Variants in KDSR observed in about 807,000 individuals in gnomAD.
KDSR encodes the protein 3-ketodihydrosphingosine reductase.
Under a neutral mutation model 41.3 loss-of-function variants are expected in KDSR, and 23 were observed. The ratio of observed to expected loss-of-function variants is 0.56; its 90% CI spans 0.40 to 0.79. The LOEUF (loss-of-function observed/expected upper bound fraction) is 0.79. Ranked by LOEUF, KDSR falls within the 30% of genes least tolerant of loss-of-function variation. The pLI is 0.00. For synonymous variants in KDSR, 138 were observed against 151.7 expected (o/e 0.91, Z 0.66); for missense variants, 351 against 416.8 (o/e 0.84, Z 1.37).
chr18:63,341,406 T>C (rs1419949331), intron 7 of KDSR, among the ~76,000 whole-genome samples: 3 of 150,346 alleles, frequency 2.0e-5, no homozygotes, highest in Admixed American at 2.0e-4. Flanking sequence ...AAATAAAGAT[T>C]TCAACAAAAA....
chr18:63,342,447 T>C (rs1251116855), intron 7 of KDSR, among the ~76,000 whole-genome samples: 2 of 152,008 alleles, frequency 1.3e-5, no homozygotes, highest in Non-Finnish European at 2.9e-5. Context: ...CCAGGAGAAA[T>C]GTCTGAGGAA....
intron 6 of KDSR, chr18:63,346,705 C>T (rs778920203): frequency 2.0e-5 from 3 of 152,222 alleles, no homozygotes; most frequent in African/African-American, 4.8e-5. Context: ...CCAAATGACT[C>T]TCCCAGTCTC....
At chr18:63,341,875 T>C (rs769837469) in intron 7 of KDSR, among the ~76,000 whole-genome samples, 16 of 151,798 alleles carry the variant, frequency 1.1e-4, no homozygotes, top group Non-Finnish European at 2.2e-4. Flanking sequence ...AACAAAACAA[T>C]ACATAAGAAT....
intron 7 of KDSR, among the ~76,000 whole-genome samples, chr18:63,342,319 G>A (rs1409836454): frequency 6.6e-6 from 1 of 152,128 alleles, no homozygotes; most frequent in Non-Finnish European, 1.5e-5. Flanking sequence ...CCAAAAAAGT[G>A]AGAGTCATGG....
rs1174191712 is a variant in KDSR at position 63,330,441 on chromosome 18, G to A, written c.*1341C>T. On this transcript the variant is annotated 3_prime_UTR_variant, in exon 10 of 10. Coordinates refer to ENST00000645214, the MANE Select transcript of KDSR (RefSeq NM_002035.4). ...CTAAAACTCATCAGAGGCACTTGCT[G>A]TCAAAATCCACTAATGAACACAGAT... The A allele has an allele frequency of 8.7e-6, 2 of 230,030 alleles. No homozygotes were observed. Among genetic ancestry groups the A allele is most frequent in the South Asian group, 1.8e-4 (1 of 5,506 alleles). 14.2% of individuals were successfully genotyped at this position (230,030 alleles called of 1,614,324 possible).
At chr18:63,332,694 T>C (rs886839110) in intron 9 of KDSR, among the ~76,000 whole-genome samples, 3 of 151,990 alleles carry the variant, frequency 2.0e-5, no homozygotes, top group Admixed American at 1.3e-4. Flanking sequence ...TATCCGCGTG[T>C]GGCGGTGTGC....
At chr18:63,337,092 C>CCATATATATATATATATA (rs1491226334) in intron 8 of KDSR, among the ~76,000 whole-genome samples, 1 of 28,430 alleles carries the variant, frequency 3.5e-5, no homozygotes, top group African/African-American at 7.7e-5. Flanking sequence ...ATATATGTGA[C>CCATATATATATATATATA]TTTATATATA....
chr18:63,363,056 G>C (rs1024896098), intron 1 of KDSR, among the ~76,000 whole-genome samples, 188 bp from the exon 2 acceptor site: 2 of 152,072 alleles, frequency 1.3e-5, no homozygotes, highest in Admixed American at 1.3e-4. Context: ...TATCAGCAAG[G>C]CCTGCTGCTT....
At chr18:63,340,448 C>G (rs751104835) in intron 7 of KDSR, among the ~76,000 whole-genome samples, 4 of 152,140 alleles carry the variant, frequency 2.6e-5, no homozygotes, top group Non-Finnish European at 4.4e-5. Flanking sequence ...TGCAGAGATT[C>G]ACATTTACAA....
intron 3 of KDSR, among the ~76,000 whole-genome samples, chr18:63,357,452 A>G (rs1483143006): frequency 6.6e-6 from 1 of 150,610 alleles, no homozygotes; most frequent in Non-Finnish European, 1.5e-5. Flanking sequence ...CTATACATAC[A>G]ATAGAATACT....
At chr18:63,331,993 T>C in intron 9 of KDSR, 92 bp from the exon 10 acceptor site, 1 of 1,301,868 alleles carries the variant, frequency 7.7e-7, no homozygotes, top group South Asian at 1.4e-5. Context: ...CTAAGACAAA[T>C]CTTCTAGTCT....
At position 63,354,475 on chromosome 18, in the gene KDSR, C is replaced by T. The variant is rs796289431; in HGVS notation, c.417+729G>A. ...CTGAGGTCAGGAGTTTGAGACCAGC[C>T]GGGCCAACGTGGCGTAAACCCATCT... On this transcript the variant is annotated intron_variant, in intron 5 of 9. Coordinates refer to ENST00000645214, the MANE Select transcript of KDSR (RefSeq NM_002035.4). Among the ~76,000 whole-genome samples, 7 of 152,090 alleles carry T rather than the reference C, an allele frequency of 4.6e-5. No homozygotes were observed. In the South Asian group the frequency reaches 6.2e-4, roughly 14 times the overall value.
At chr18:63,355,704 G>A in intron 3 of KDSR, 141 bp from the exon 4 acceptor site, 1 of 1,222,958 alleles carries the variant, frequency 8.2e-7, no homozygotes, top group Non-Finnish European at 1.1e-6. Flanking sequence ...TGCTGATGAT[G>A]CAATTAGCAG....
At chr18:63,355,615 C>G in intron 3 of KDSR, 52 bp from the exon 4 acceptor site, 1 of 1,496,968 alleles carries the variant, frequency 6.7e-7, no homozygotes, top group Non-Finnish European at 8.8e-7. Context: ...CAAACTATTT[C>G]TTAAAGATAT....
Position 63,331,920 on chromosome 18 carries a change from G to C in KDSR, c.880-19C>G. ...TGACCACCTGCAAGATAAAGAGAGA[G>C]CTTTTAGTGCATCCAACGGTACAAG... On this transcript the variant is annotated intron_variant, in intron 9 of 9. Transcript: ENST00000645214. 6.2e-7 allele frequency: 1 copy of C among 1,611,904 alleles called. No individual in the cohort carries two copies. The highest frequency in any genetic ancestry group is 8.5e-7 in the Non-Finnish European group (1 of 1,179,052).
At chr18:63,332,928 A>C (rs1345452657) in intron 9 of KDSR, among the ~76,000 whole-genome samples, 2 of 152,106 alleles carry the variant, frequency 1.3e-5, no homozygotes, top group Non-Finnish European at 2.9e-5. Context: ...TCTTCCGGAA[A>C]AAACAATATT....
chr18:63,338,134 C>A (rs1456143257), intron 8 of KDSR, among the ~76,000 whole-genome samples: 1 of 152,222 alleles, frequency 6.6e-6, no homozygotes, highest in East Asian at 1.9e-4. Context: ...AATGTGACAG[C>A]ATTTAGGCCA....
chr18:63,335,261 T>C lies in KDSR; in HGVS notation c.875A>G (p.Gln292Arg), dbSNP rs758285669. The change falls in exon 9 of 10, where the codon CAG (glutamine) becomes CGG (arginine). Residue 292 changes from glutamine to arginine, a missense_variant. By Grantham distance (43) the Gln-to-Arg change is conservative. Coordinates refer to ENST00000645214, the MANE Select transcript of KDSR (RefSeq NM_002035.4). ...GCTAGCCTAGGCAGAGCTTACCTGC[T>C]GGAGCCCCTCAGTAATAGAAGTTAC... Reference protein sequence around the residue: ...APVTSITEGLQQVVTMGLFRT... With the variant: ...APVTSITEGLRQVVTMGLFRT... 2.5e-6 allele frequency: 4 copies of C among 1,609,514 alleles called. No homozygotes were observed. Among genetic ancestry groups the C allele is most frequent in the Non-Finnish European group, 3.4e-6 (4 of 1,175,842 alleles).
At chr18:63,335,715 C>T (rs1914134252) in intron 8 of KDSR, 1 of 165,762 alleles carries the variant, frequency 6.0e-6, no homozygotes, top group East Asian at 1.7e-4. Flanking sequence ...GAGTCATTGT[C>T]ACCTCTACTA....
Sources: allele counts gnomAD v4.1 joint callset (sites outside exome capture counted in the v4.1 genomes callset), GRCh38; gene constraint gnomAD v4.1.1; transcripts MANE v1.5; gene names NCBI Gene and HGNC (gene_info 2026-07-23, HGNC 2026-07-21).